Variants in RICTOR observed in about 807,000 individuals in gnomAD.
RICTOR encodes RPTOR independent companion of MTOR complex 2, also known as rapamycin-insensitive companion of mTOR.
A neutral mutation model predicts 214.9 loss-of-function variants in RICTOR; 49 were observed. The observed-to-expected ratio is 0.23, with a 90% CI of 0.18 to 0.29. The LOEUF is 0.29. Ranked by LOEUF, RICTOR falls within the 10% of genes least tolerant of loss-of-function variation. The pLI is 1.00. For missense variants in RICTOR, 1,625 were observed against 2,047.0 expected, an observed-to-expected ratio of 0.79 and a Z score of 3.98; for synonymous variants, 717 against 711.3, an observed-to-expected ratio of 1.01 and a Z score of -0.13.
chr5:39,067,148 G>A (rs1758964201), intron 2 of RICTOR, among the ~76,000 whole-genome samples: 1 of 152,164 alleles, frequency 6.6e-6, no homozygotes, highest in Non-Finnish European at 1.5e-5. Flanking sequence ...TTTAAAAGAG[G>A]TTTAATTGGC....
intron 25 of RICTOR, among the ~76,000 whole-genome samples, chr5:38,956,691 C>A (rs773985960): frequency 7.2e-5 from 11 of 152,046 alleles, no homozygotes; most frequent in South Asian, 2.1e-4. Context: ...TTTGTTATAG[C>A]TCTTATATTT....
chr5:39,032,066 G>A (rs1024839998), intron 2 of RICTOR, among the ~76,000 whole-genome samples: 4 of 152,166 alleles, frequency 2.6e-5, no homozygotes, highest in African/African-American at 9.7e-5. Flanking sequence ...GTATCCCAAG[G>A]ATAGCATCTT....
chr5:38,943,509 C>T (rs970258847), intron 36 of RICTOR, among the ~76,000 whole-genome samples: 4 of 151,974 alleles, frequency 2.6e-5, no homozygotes, highest in Admixed American at 6.6e-5. Flanking sequence ...CCTATATCAC[C>T]CTTAAAAAAA....
At chr5:38,953,588 T>C (rs576557287) in intron 27 of RICTOR, 35 bp from the exon 28 acceptor site, 1 of 673,666 alleles carries the variant, frequency 1.5e-6, no homozygotes, top group Non-Finnish European at 2.4e-6. Context: ...TGAGTAATAA[T>C]ATATTTATGT....
At chr5:39,067,359 C>T (rs991420188) in intron 2 of RICTOR, among the ~76,000 whole-genome samples, 1 of 152,128 alleles carries the variant, frequency 6.6e-6, no homozygotes, top group Non-Finnish European at 1.5e-5. Context: ...AAAAACAACA[C>T]CAAGCCATCA....
At chr5:38,981,628 A>C (rs1430795424) in intron 8 of RICTOR, 1 of 361,070 alleles carries the variant, frequency 2.8e-6, no homozygotes, top group African/African-American at 2.1e-5. Flanking sequence ...TGGTTCATAA[A>C]CTTTTCATAG....
intron 20 of RICTOR, 129 bp from the exon 21 acceptor site, chr5:38,960,107 G>C: frequency 1.4e-6 from 1 of 703,166 alleles, no homozygotes; most frequent in South Asian, 1.7e-5. Context: ...CAATCAGTGA[G>C]TACCTGTTGT....
intron 2 of RICTOR, among the ~76,000 whole-genome samples, chr5:39,060,354 A>T (rs962700536): frequency 6.6e-6 from 1 of 152,088 alleles, no homozygotes; most frequent in African/African-American, 2.4e-5. Context: ...TACATATATT[A>T]GCGTAAGTCC....
intron 5 of RICTOR, among the ~76,000 whole-genome samples, chr5:39,002,005 G>A (rs931537389): frequency 5.3e-5 from 8 of 151,934 alleles, no homozygotes; most frequent in Non-Finnish European, 1.0e-4. Context: ...ATATACCTAA[G>A]AGAAATGAGT....
In RICTOR at chr5:39,074,248, C is replaced by A. The variant is rs999126241; in HGVS notation, c.49+81G>T. On this transcript the variant is annotated intron_variant, in intron 1 of 37. Coordinates refer to ENST00000357387, the MANE Select transcript of RICTOR (RefSeq NM_152756.5). Reference sequence around the variant, plus strand: ...CTCCGGCCAGCGCCCCGGCTCGCTCCCCAACCCAGGGCCAGGGGAAGGCAA... The same window carrying A: ...CTCCGGCCAGCGCCCCGGCTCGCTCACCAACCCAGGGCCAGGGGAAGGCAA... 6 of 1,583,902 alleles carry A rather than the reference C, an allele frequency of 3.8e-6. No individual in the cohort carries two copies. In the Admixed American group the frequency reaches 7.0e-5, roughly 18 times the overall value.
At chr5:39,066,552 G>A (rs935737927) in intron 2 of RICTOR, among the ~76,000 whole-genome samples, 1 of 152,202 alleles carries the variant, frequency 6.6e-6, no homozygotes. Context: ...CCCTGAAAAA[G>A]CTTTTTCTTT....
rs571478787 is a variant in RICTOR at position 38,967,418 on chromosome 5, C to G, written c.1070G>C (p.Arg357Thr). ...IEALLSVDPG[R>T]FQDSWRLSDG... ...TGAAAGCCTCCAACTGTCTTGGAAC[C>G]TCCCTGGATCTAAATTAGTTAAAAT... The change falls in exon 13 of 38, where the codon AGG becomes ACG. Residue 357 changes from arginine (R) to threonine (T), a missense_variant. This residue lies in a region of RICTOR where 258 missense variants were observed against 393.7 expected (regional missense o/e 0.66). Coordinates refer to ENST00000357387, the MANE Select transcript of RICTOR (RefSeq NM_152756.5). 1 of 1,609,146 alleles carries G rather than the reference C, an allele frequency of 6.2e-7. No individual in the cohort carries two copies. Among genetic ancestry groups the G allele is most frequent in the African/African-American group, 1.3e-5 (1 of 74,770 alleles).
intron 15 of RICTOR, 66 bp from the exon 16 acceptor site, chr5:38,964,958 C>A (rs1750098370): frequency 2.6e-5 from 24 of 919,030 alleles, no homozygotes; most frequent in Admixed American, 7.7e-5. Flanking sequence ...CACAGATTAC[C>A]TGCACATATA....
intron 3 of RICTOR, among the ~76,000 whole-genome samples, chr5:39,017,143 C>A (rs1269666004): frequency 6.6e-6 from 1 of 152,090 alleles, no homozygotes; most frequent in Non-Finnish European, 1.5e-5. Flanking sequence ...GCCATTCTTA[C>A]CTCCATCCCC....
intron 19 of RICTOR, among the ~76,000 whole-genome samples, chr5:38,960,898 G>A (rs1749740813): frequency 6.6e-6 from 1 of 152,024 alleles, no homozygotes; most frequent in African/African-American, 2.4e-5. Flanking sequence ...CTCTCCTGCT[G>A]CCATATGAAG....
At chr5:39,013,950 T>C (rs971297763) in intron 3 of RICTOR, among the ~76,000 whole-genome samples, 1 of 152,170 alleles carries the variant, frequency 6.6e-6, no homozygotes, top group African/African-American at 2.4e-5. Flanking sequence ...ATGGATCACA[T>C]GTAGAATTGT....
chr5:39,052,092 G>C (rs1346899488), intron 2 of RICTOR, among the ~76,000 whole-genome samples: 10 of 152,180 alleles, frequency 6.6e-5, no homozygotes, highest in Admixed American at 5.9e-4. Flanking sequence ...AGGGTAAATA[G>C]GCCAGGCGTG....
intron 2 of RICTOR, among the ~76,000 whole-genome samples, chr5:39,054,644 CCATT>C (rs1758081401): frequency 6.6e-6 from 1 of 152,210 alleles, no homozygotes; most frequent in Non-Finnish European, 1.5e-5. Context: ...CCTTAACCAT[CCATT>C]CAGTCTACAT....
intron 3 of RICTOR, among the ~76,000 whole-genome samples, chr5:39,020,436 G>A (rs1488914824): frequency 6.6e-6 from 1 of 152,140 alleles, no homozygotes; most frequent in Non-Finnish European, 1.5e-5. Flanking sequence ...AGCAGCCACT[G>A]ACATTGAGGC....
Sources: gnomAD v4.1 joint callset for allele counts (sites outside exome capture counted in the v4.1 genomes callset) on GRCh38, gnomAD v4.1.1 for gene constraint, gnomAD v4.1.1 regional missense constraint, MANE v1.5 for transcripts, NCBI Gene and HGNC (gene_info 2026-07-23, HGNC 2026-07-21) for gene names.